Variants in PADI3 observed in about 807,000 individuals in gnomAD.
PADI3 encodes peptidyl arginine deiminase 3.
A neutral mutation model predicts 71.5 loss-of-function variants in PADI3; 53 were observed. The ratio of observed to expected loss-of-function variants is 0.74; its 90% CI spans 0.59 to 0.93. The LOEUF (loss-of-function observed/expected upper bound fraction) is 0.93, where lower values mean the gene tolerates loss of function less well. Ranked by LOEUF, PADI3 falls within the 40% of genes least tolerant of loss-of-function variation. The probability of loss-of-function intolerance (pLI) is 0.00; values close to 1 mark genes in which losing one functional copy is unlikely to be tolerated. For missense variants in PADI3, 821 were observed against 868.0 expected (o/e 0.95, Z 0.68); for synonymous variants, 361 against 347.5 (o/e 1.04, Z -0.43).
intron 7 of PADI3, 143 bp downstream of exon 7, chr1:17,270,554 G>T: frequency 2.4e-6 from 2 of 827,996 alleles, no homozygotes; most frequent in Admixed American, 2.9e-5. Flanking sequence ...AGGCTGAGGT[G>T]GGAGGATCAC....
chr1:17,280,679 C>G lies in PADI3; in HGVS notation c.1644C>G (p.Ile548Met). 6.2e-7 allele frequency: 1 copy of G among 1,614,146 alleles called. No individual in the cohort carries two copies. Among genetic ancestry groups the G allele is most frequent in the Non-Finnish European group, 8.5e-7 (1 of 1,180,020 alleles). Residue 548 changes from isoleucine to methionine, a missense_variant, in exon 15 of 16, where the codon ATC becomes ATG. Ile to Met is a conservative substitution (Grantham distance 10, BLOSUM62 1). Transcript: ENST00000375460. ...CCCTCCCCTGCCCCCAGAGCTGCAT[C>G]GACTGGAACCGTGAGGTGCTGAAGC... is the stretch of plus-strand genomic sequence containing the variant. ...INYNKFVQSC[I>M]DWNREVLKRE...
At chr1:17,274,830 G>C in intron 11 of PADI3, 44 bp downstream of exon 11, 1 of 1,591,830 alleles carries the variant, frequency 6.3e-7, no homozygotes, top group Non-Finnish European at 8.6e-7. Flanking sequence ...TGGAGGCTGA[G>C]GGTTGGGGGT....
chr1:17,271,677 T>C (rs1320779444), intron 9 of PADI3, among the ~76,000 whole-genome samples: 1 of 151,564 alleles, frequency 6.6e-6, no homozygotes, highest in Non-Finnish European at 1.5e-5. Context: ...TGAAACCCTG[T>C]CTCTGCAAAA....
intron 1 of PADI3, among the ~76,000 whole-genome samples, chr1:17,256,083 C>A (rs2100558730): frequency 6.6e-6 from 1 of 152,328 alleles, no homozygotes; most frequent in East Asian, 1.9e-4. Flanking sequence ...ACCTTCCCCT[C>A]ACTTGTGTCT....
intron 10 of PADI3, 109 bp from the exon 11 acceptor site, chr1:17,274,526 G>A: frequency 3.2e-6 from 3 of 951,844 alleles, no homozygotes; most frequent in Non-Finnish European, 4.8e-6. Flanking sequence ...TCCACCTGAA[G>A]AATGGATGGC....
In PADI3 at chr1:17,265,256, G is replaced by A. The variant is rs377166923; in HGVS notation, c.347-403G>A. 3.3e-4 allele frequency among the ~76,000 whole-genome samples: 50 copies of A among 152,186 alleles called. 1 individual carries two copies. Among genetic ancestry groups the A allele is most frequent in the Middle Eastern group, 3.4e-3 (1 of 294 alleles). ...CAGAAAGGACACACAGCCAGGAGGC[G>A]GCAGAACCTGGGTTTGTGTTCACAT... On this transcript the variant is annotated intron_variant, in intron 3 of 15. Coordinates refer to ENST00000375460, the MANE Select transcript of PADI3 (RefSeq NM_016233.2).
At chr1:17,260,818 T>C (rs2073093803) in intron 2 of PADI3, among the ~76,000 whole-genome samples, 1 of 152,162 alleles carries the variant, frequency 6.6e-6, no homozygotes, top group African/African-American at 2.4e-5. Flanking sequence ...CCAGGGGTAG[T>C]GCAAGAGGAC....
chr1:17,255,400 A>T (rs1306973926), intron 1 of PADI3, among the ~76,000 whole-genome samples: 1 of 152,164 alleles, frequency 6.6e-6, no homozygotes, highest in African/African-American at 2.4e-5. Context: ...CTGTGCATGG[A>T]AGCCTCAGCG....
intron 1 of PADI3, among the ~76,000 whole-genome samples, chr1:17,258,082 T>TA (rs200895557): frequency 0.017 from 2,579 of 152,328 alleles, 36 homozygotes; most frequent in Non-Finnish European, 0.025. Flanking sequence ...TTCTCATCTG[T>TA]ATAATGGGAG....
rs764860340 is a variant in PADI3 at position 17,271,159 on chromosome 1, G to A, written c.1028G>A (p.Arg343His). 44 of 1,612,996 alleles carry A rather than the reference G, an allele frequency of 2.7e-5. No homozygotes were observed. Among genetic ancestry groups the A allele is most frequent in the East Asian group, 4.5e-5 (2 of 44,872 alleles). ...ACCATCTGCCCACAGGCCGAGAACC[G>A]CAACGACCGCTGGATCCAGGTAACC... is the stretch of plus-strand genomic sequence containing the variant. ...KLTICPQAEN[R>H]NDRWIQDEME... is the part of the protein sequence containing the mutation. Residue 343 changes from arginine to histidine, a missense_variant, in exon 9 of 16, where the codon CGC (arginine) becomes CAC (histidine). By Grantham distance (29) the Arg-to-His change is conservative. Coordinates refer to ENST00000375460, the MANE Select transcript of PADI3 (RefSeq NM_016233.2).
intron 13 of PADI3, among the ~76,000 whole-genome samples, chr1:17,278,759 T>C (rs1277619042): frequency 6.6e-6 from 1 of 151,898 alleles, no homozygotes; most frequent in Non-Finnish European, 1.5e-5. Context: ...ATTTTCTTGG[T>C]CCCATGGCCT....
At chr1:17,273,790 G>A (rs2073288399) in intron 10 of PADI3, among the ~76,000 whole-genome samples, 2 of 152,186 alleles carry the variant, frequency 1.3e-5, no homozygotes, top group Non-Finnish European at 2.9e-5. Flanking sequence ...CCTGTTCAGA[G>A]CACAAGCTTT....
At position 17,281,885 on chromosome 1, in the gene PADI3, A is replaced by T. The variant is rs115254827; in HGVS notation, c.1762-961A>T. On this transcript the variant is annotated intron_variant, in intron 15 of 15. Transcript: ENST00000375460. ...GCTAACAAACACCCAGGTGGTGCTG[A>T]TGCTGCCTTTTAGAGGAACACAGTT... Among the ~76,000 whole-genome samples, 1,179 of 152,284 alleles carry T rather than the reference A, an allele frequency of 7.7e-3. 24 individuals carry two copies. Among genetic ancestry groups the T allele is most frequent in the African/African-American group, 0.027 (1,133 of 41,566 alleles).
intron 6 of PADI3, among the ~76,000 whole-genome samples, chr1:17,268,927 C>G (rs985881738): frequency 2.0e-5 from 3 of 148,404 alleles, no homozygotes; most frequent in African/African-American, 7.5e-5. Context: ...GCTCTGTTGC[C>G]CGGGCTGGAG....
intron 13 of PADI3, among the ~76,000 whole-genome samples, chr1:17,277,562 C>G (rs542244187): frequency 3.0e-4 from 45 of 152,330 alleles, no homozygotes; most frequent in African/African-American, 1.1e-3. Context: ...GGCTTGGAGC[C>G]TCTGCTCAGG....
At chr1:17,279,707 G>C (rs2073377859) in intron 13 of PADI3, among the ~76,000 whole-genome samples, 2 of 152,220 alleles carry the variant, frequency 1.3e-5, no homozygotes, top group African/African-American at 2.4e-5. Context: ...AGGGTTAAAT[G>C]AGATGCTGAA....
At position 17,266,773 on chromosome 1, in the gene PADI3, G is replaced by T; in HGVS notation, c.463G>T (p.Asp155Tyr). The change falls in exon 5 of 16, where the codon GAC (aspartate) becomes TAC (tyrosine). Residue 155 changes from aspartate to tyrosine, a missense_variant. Transcript: ENST00000375460. ...TGGCGGCATCTTGCTGGTGAACTGT[G>T]ACCGTGATGATCCGAGCTGTGATGT... ...GYGGILLVNC[D>Y]RDDPSCDVQD... is the part of the protein sequence containing the mutation. The T allele has an allele frequency of 6.2e-7, 1 of 1,614,158 alleles. No homozygotes were observed. Among genetic ancestry groups the T allele is most frequent in the South Asian group, 1.1e-5 (1 of 91,078 alleles).
intron 1 of PADI3, among the ~76,000 whole-genome samples, chr1:17,250,121 G>A (rs796480895): frequency 1.1e-4 from 17 of 152,256 alleles, no homozygotes; most frequent in African/African-American, 4.1e-4. Context: ...CAGGGAGCTG[G>A]CTTCTTAGGC....
intron 13 of PADI3, among the ~76,000 whole-genome samples, chr1:17,279,973 G>A (rs2073381176): frequency 6.6e-6 from 1 of 152,186 alleles, no homozygotes; most frequent in Admixed American, 6.5e-5. Flanking sequence ...TATAAAACCT[G>A]ACTGATGGTG....
Sources: allele counts gnomAD v4.1 joint callset (sites outside exome capture counted in the v4.1 genomes callset), GRCh38; gene constraint gnomAD v4.1.1; transcripts MANE v1.5; gene names NCBI Gene and HGNC (gene_info 2026-07-23, HGNC 2026-07-21).